Variants in ANKRD44 observed in about 807,000 individuals in gnomAD.
ANKRD44 encodes the protein serine/threonine-protein phosphatase 6 regulatory ankyrin repeat subunit B.
ANKRD44 carries 35 observed loss-of-function variants against 116.0 expected under a neutral mutation model. That is an observed-to-expected ratio of 0.30 (90% CI 0.23 to 0.40). ANKRD44 has a LOEUF of 0.40. Ranked by LOEUF, ANKRD44 falls within the 10% of genes least tolerant of loss-of-function variation. ANKRD44 has a pLI of 1.00. For synonymous variants in ANKRD44, 435 were observed against 461.8 expected, an observed-to-expected ratio of 0.94 and a Z score of 0.74; for missense variants, 1,014 against 1,242.6, an observed-to-expected ratio of 0.82 and a Z score of 2.77.
intron 3 of ANKRD44, among the ~76,000 whole-genome samples, chr2:197,142,814 A>C (rs1312261811): frequency 1.3e-5 from 2 of 152,228 alleles, no homozygotes; most frequent in East Asian, 3.9e-4. Flanking sequence ...ATTTTTGGGA[A>C]TAATTTTGCA....
chr2:197,073,324 C>T (rs1387301967), intron 16 of ANKRD44, among the ~76,000 whole-genome samples: 1 of 152,172 alleles, frequency 6.6e-6, no homozygotes, highest in African/African-American at 2.4e-5. Flanking sequence ...ATGGACCTTC[C>T]TGCTGGTAAC....
chr2:197,036,417 C>T (rs902873865), intron 16 of ANKRD44, among the ~76,000 whole-genome samples: 2 of 152,122 alleles, frequency 1.3e-5, no homozygotes, highest in Non-Finnish European at 2.9e-5. Context: ...CACCATCATG[C>T]CCAGCTAATT....
chr2:197,078,724 C>T lies in ANKRD44; in HGVS notation c.1629G>A (p.Gly543=), dbSNP rs779873543. 3.2e-5 allele frequency: 52 copies of T among 1,610,732 alleles called. No individual in the cohort carries two copies. The highest frequency in any genetic ancestry group is 6.7e-5 in the Admixed American group (4 of 59,776). The part of the protein sequence containing the change: ...YNSIHYAAAY[G]HRQCLELLLE... ...TCACCAATTCCAGACACTGCCTGTG[C>T]CCATAGGCGGCAGCATAATGTATGC... Residue 543 remains glycine (G), a synonymous_variant, in exon 16 of 28, where the codon GGG becomes GGA. Coordinates refer to ENST00000282272, the MANE Select transcript of ANKRD44 (RefSeq NM_001195144.2).
intron 8 of ANKRD44, among the ~76,000 whole-genome samples, chr2:197,118,313 C>T (rs1300587625): frequency 6.6e-6 from 1 of 151,192 alleles, no homozygotes; most frequent in Non-Finnish European, 1.5e-5. Context: ...AAAGTCTGGG[C>T]GTGGTGGCTC....
intron 1 of ANKRD44, among the ~76,000 whole-genome samples, chr2:197,275,403 C>T (rs2083046115): frequency 7.0e-6 from 1 of 143,070 alleles, no homozygotes; most frequent in South Asian, 2.2e-4. Context: ...GCATAAGCCA[C>T]TGTGCCCAGG....
At chr2:197,135,479 T>C (rs1221659625) in intron 4 of ANKRD44, 1 of 152,304 alleles carries the variant, frequency 6.6e-6, no homozygotes, top group East Asian at 1.9e-4. Context: ...TCCTTTATAC[T>C]TCCCCTGAGC....
At chr2:197,243,216 T>A (rs2082125731) in intron 1 of ANKRD44, among the ~76,000 whole-genome samples, 1 of 152,234 alleles carries the variant, frequency 6.6e-6, no homozygotes, top group Admixed American at 6.5e-5. Context: ...TATACATATA[T>A]GGTGACTGCA....
At chr2:197,084,499 G>A (rs1027812595) in intron 13 of ANKRD44, among the ~76,000 whole-genome samples, 3 of 152,176 alleles carry the variant, frequency 2.0e-5, no homozygotes, top group African/African-American at 7.2e-5. Context: ...TGAGGGTAGG[G>A]ATGTTGGTTA....
At chr2:197,026,958 A>G (rs1317948132) in intron 16 of ANKRD44, among the ~76,000 whole-genome samples, 1 of 152,100 alleles carries the variant, frequency 6.6e-6, no homozygotes, top group African/African-American at 2.4e-5. Flanking sequence ...GGAAACATGA[A>G]GGTACCATGA....
intron 1 of ANKRD44, among the ~76,000 whole-genome samples, chr2:197,298,871 C>T (rs982976409): frequency 4.0e-5 from 6 of 151,344 alleles, no homozygotes; most frequent in Admixed American, 6.6e-5. Flanking sequence ...GAGCTGTGAT[C>T]GCACCATTAC....
At chr2:197,040,196 G>A (rs560211453) in intron 16 of ANKRD44, among the ~76,000 whole-genome samples, 31 of 151,220 alleles carry the variant, frequency 2.0e-4, no homozygotes, top group South Asian at 1.3e-3. Context: ...CTGAGATCAC[G>A]TCACTGACTC....
chr2:197,235,919 A>C (rs2081967480), intron 1 of ANKRD44, among the ~76,000 whole-genome samples: 1 of 152,154 alleles, frequency 6.6e-6, no homozygotes, highest in Non-Finnish European at 1.5e-5. Context: ...CATTGCGGTG[A>C]GGGCTTGAAG....
chr2:197,062,808 C>T (rs1002878208), intron 16 of ANKRD44, among the ~76,000 whole-genome samples: 1 of 152,244 alleles, frequency 6.6e-6, no homozygotes, highest in African/African-American at 2.4e-5. Context: ...AGTAGGTAAA[C>T]AAAACAGCCA....
intron 8 of ANKRD44, among the ~76,000 whole-genome samples, chr2:197,116,804 C>T (rs1277332348): frequency 6.6e-6 from 1 of 152,178 alleles, no homozygotes; most frequent in Non-Finnish European, 1.5e-5. Context: ...CATGCTAGAA[C>T]ACCACATTTG....
At chr2:197,248,740 G>A (rs2082252562) in intron 1 of ANKRD44, among the ~76,000 whole-genome samples, 1 of 151,720 alleles carries the variant, frequency 6.6e-6, no homozygotes, top group African/African-American at 2.4e-5. Context: ...TGCAAACATA[G>A]GAGGCTCTCT....
At chr2:197,224,141 C>G (rs2081647360) in intron 1 of ANKRD44, among the ~76,000 whole-genome samples, 1 of 152,128 alleles carries the variant, frequency 6.6e-6, no homozygotes, top group African/African-American at 2.4e-5. Context: ...TAAATCGAGT[C>G]CTGGACTTCA....
chr2:197,130,033 G>A (rs2079062355), intron 4 of ANKRD44, among the ~76,000 whole-genome samples: 1 of 152,156 alleles, frequency 6.6e-6, no homozygotes. Context: ...ATACATTGCT[G>A]TAATCATCAG....
At position 197,203,959 on chromosome 2, in the gene ANKRD44, C is replaced by T. The variant is rs949422380; in HGVS notation, c.28-16853G>A. On this transcript the variant is annotated intron_variant, in intron 1 of 27. Transcript: ENST00000282272. This position sits in a 1 kb window ranked among gnomAD's most constrained non-coding sequence, Gnocchi z 4.1. ...GCAGTTACCAGGGATCGGGAGGGAA[C>T]GGGAAGTGACTGCTTCATGGATACA... 1.3e-5 allele frequency among the ~76,000 whole-genome samples: 2 copies of T among 152,054 alleles called. No individual in the cohort carries two copies. The highest frequency in any genetic ancestry group is 2.9e-5 in the Non-Finnish European group (2 of 68,024).
intron 17 of ANKRD44, among the ~76,000 whole-genome samples, chr2:197,018,606 A>G (rs553709145): frequency 1.5e-3 from 224 of 152,266 alleles, no homozygotes; most frequent in South Asian, 3.5e-3. Flanking sequence ...CACAAAACTG[A>G]TATCAATGGA....
Sources: allele counts gnomAD v4.1 joint callset (sites outside exome capture counted in the v4.1 genomes callset), GRCh38; gene constraint gnomAD v4.1.1; non-coding constraint Gnocchi (gnomAD v3.1); transcripts MANE v1.5; gene names NCBI Gene and HGNC (gene_info 2026-07-23, HGNC 2026-07-21).